CTTN: variants seen among roughly 807,000 people sequenced by gnomAD.
CTTN encodes the protein src substrate cortactin.
Under a neutral mutation model 84.0 loss-of-function variants are expected in CTTN, and 28 were observed. That is an observed-to-expected ratio of 0.33 (90% CI 0.25 to 0.46). The LOEUF (loss-of-function observed/expected upper bound fraction) is 0.46. CTTN is among the 20% of genes least tolerant of loss of function. The pLI is 1.00. For synonymous variants in CTTN, 301 were observed against 288.8 expected (o/e 1.04, Z -0.43); for missense variants, 641 against 723.8 (o/e 0.89, Z 1.31).
At chr11:70,419,097 A>T (rs2058198716) in intron 8 of CTTN, among the ~76,000 whole-genome samples, 1 of 144,740 alleles carries the variant, frequency 6.9e-6, no homozygotes, top group Admixed American at 6.9e-5. Context: ...TAAAAAAAAA[A>T]ACTTTTTTTC....
At position 70,431,265 on chromosome 11, in the gene CTTN, G is replaced by A. The variant is rs750275617; in HGVS notation, c.1251G>A (p.Ser417=). 5.6e-6 allele frequency: 9 copies of A among 1,614,006 alleles called. No individual in the cohort carries two copies. Among genetic ancestry groups the A allele is most frequent in the Admixed American group, 5.0e-5 (3 of 59,996 alleles). ...AGCCAACCGAGGAGAGGCTGCCCTC[G>A]AGCCCCGTCTATGAGGTTGGTGTCT... ...APQPTEERLP[S]SPVYEDAASF... is the part of the protein sequence containing the mutation. Residue 417 remains serine, a synonymous_variant, in exon 15 of 18, where the codon TCG becomes TCA. Coordinates refer to ENST00000301843, the MANE Select transcript of CTTN (RefSeq NM_005231.4).
intron 11 of CTTN, chr11:70,422,690 C>A: frequency 7.0e-7 from 1 of 1,434,092 alleles, no homozygotes; most frequent in South Asian, 1.2e-5. Flanking sequence ...GCCCCTCCTG[C>A]CCCTCCTGCC....
intron 5 of CTTN, among the ~76,000 whole-genome samples, chr11:70,413,711 C>T (rs964488926): frequency 5.9e-5 from 9 of 152,164 alleles, no homozygotes; most frequent in African/African-American, 1.7e-4. Flanking sequence ...GCATGGGAGC[C>T]GGCAGCTGGC....
At chr11:70,407,612 C>T (rs754094226) in intron 4 of CTTN, 21 bp downstream of exon 4, 12 of 1,610,744 alleles carry the variant, frequency 7.4e-6, no homozygotes, top group Non-Finnish European at 1.0e-5. Flanking sequence ...TCGCCACCAC[C>T]CTCCCGAGGG....
intron 14 of CTTN, among the ~76,000 whole-genome samples, chr11:70,430,864 C>T (rs2058346706): frequency 1.3e-5 from 2 of 151,516 alleles, no homozygotes; most frequent in Admixed American, 6.6e-5. Context: ...TGTGTGATCT[C>T]GGCCTCAGAG....
At chr11:70,432,149 GC>G (rs1233573605) in intron 15 of CTTN, among the ~76,000 whole-genome samples, 1 of 152,164 alleles carries the variant, frequency 6.6e-6, no homozygotes, top group African/African-American at 2.4e-5. Flanking sequence ...TGGCTACGCT[GC>G]TGCCTGCTGC....
intron 6 of CTTN, among the ~76,000 whole-genome samples, chr11:70,415,149 G>A (rs146251215): frequency 1.3e-5 from 2 of 152,152 alleles, no homozygotes; most frequent in African/African-American, 2.4e-5. Flanking sequence ...AGGGAGCAGG[G>A]AGCTGATGCT....
chr11:70,420,602 C>T, intron 10 of CTTN, 92 bp downstream of exon 10: 1 of 890,354 alleles, frequency 1.1e-6, no homozygotes, highest in Non-Finnish European at 1.9e-6. Context: ...CTGCGTGTGC[C>T]TGCTGCACAT....
Position 70,433,185 on chromosome 11 carries a change from G to C in CTTN, c.1351G>C (p.Ala451Pro). 6.2e-7 allele frequency: 1 copy of C among 1,613,610 alleles called. No homozygotes were observed. Among genetic ancestry groups the C allele is most frequent in the Non-Finnish European group, 8.5e-7 (1 of 1,179,988 alleles). Residue 451 changes from alanine (A) to proline (P), a missense_variant, in exon 16 of 18, where the codon GCT becomes CCT. By Grantham distance (27) the Ala-to-Pro change is conservative. This residue lies in a region of CTTN where 289 missense variants were observed against 273.1 expected (regional missense o/e 1.06). Coordinates refer to ENST00000301843, the MANE Select transcript of CTTN (RefSeq NM_005231.4). ...GGAGCCCGTGTACAGCATGGAGGCC[G>C]CTGACTACCGAGAGGCCAGCAGCCA... ...EPEPVYSMEA[A>P]DYREASSQQG...
In CTTN at chr11:70,422,663, C is replaced by A. The variant is rs893756870; in HGVS notation, c.902-277C>A. 7 of 1,405,886 alleles carry A rather than the reference C, an allele frequency of 5.0e-6. No homozygotes were observed. The South Asian group carries it at 8.5e-5, about 17-fold the overall frequency. 87.1% of individuals were successfully genotyped at this position (1,405,886 alleles called of 1,614,324 possible). ...CCGTGCCCTCTTTCCTCGCTTAGCT[C>A]CTGCCTGCTGCCCGCCGCCCCTCCT... On this transcript the variant is annotated intron_variant, in intron 11 of 17. Coordinates refer to ENST00000301843, the MANE Select transcript of CTTN (RefSeq NM_005231.4).
intron 2 of CTTN, among the ~76,000 whole-genome samples, chr11:70,405,833 G>A (rs1304520393): frequency 6.6e-6 from 1 of 152,186 alleles, no homozygotes; most frequent in African/African-American, 2.4e-5. Context: ...CGCCAGCCCT[G>A]CAGGGACTCC....
chr11:70,414,699 C>A, intron 6 of CTTN, 47 bp downstream of exon 6: 10 of 1,421,654 alleles, frequency 7.0e-6, no homozygotes, highest in Non-Finnish European at 9.9e-6. Context: ...GCAAGGGGGG[C>A]GTTCCCCGTA....
chr11:70,421,541 G>A lies in CTTN; in HGVS notation c.862G>A (p.Asp288Asn). The A allele has an allele frequency of 3.7e-6, 6 of 1,614,168 alleles. No homozygotes were observed. The highest frequency in any genetic ancestry group is 5.1e-6 in the Non-Finnish European group (6 of 1,180,020). The change falls in exon 11 of 18, where the codon GAT becomes AAT. Residue 288 changes from aspartate to asparagine, a missense_variant. Physicochemically the swap from Asp to Asn is conservative, Grantham distance 23 (BLOSUM62 1). This residue lies in a region of CTTN where 289 missense variants were observed against 273.1 expected (regional missense o/e 1.06). Transcript: ENST00000301843. The stretch of plus-strand genomic sequence containing the variant: ...GCAGGACTCCGCTGCTGTGGGGTTT[G>A]ATTACAAGGAGAAGCTGGCCAAGCA... The part of the protein sequence containing the change: ...ERQDSAAVGF[D>N]YKEKLAKHES...
At chr11:70,407,668 C>T (rs985520074) in intron 4 of CTTN, 77 bp downstream of exon 4, 2 of 1,373,068 alleles carry the variant, frequency 1.5e-6, no homozygotes, top group East Asian at 4.6e-5. Flanking sequence ...CCATGGTCAT[C>T]TGTGGAGGGA....
At chr11:70,406,928 G>A (rs1030658387) in intron 2 of CTTN, among the ~76,000 whole-genome samples, 1 of 152,118 alleles carries the variant, frequency 6.6e-6, no homozygotes. Context: ...ATCCAAAATG[G>A]TGCTTTTATT....
chr11:70,429,302 T>C (rs976891380), intron 14 of CTTN, 103 bp downstream of exon 14: 1 of 1,362,512 alleles, frequency 7.3e-7, no homozygotes, highest in African/African-American at 1.5e-5. Context: ...CCTGGCCAGG[T>C]TTTCCTTGGA....
intron 11 of CTTN, chr11:70,422,596 C>T (rs942423667): frequency 2.5e-5 from 33 of 1,320,292 alleles, no homozygotes; most frequent in African/African-American, 1.5e-4. Flanking sequence ...CGTGCTGGTG[C>T]GGAAGACTGT....
chr11:70,425,229 T>C, intron 12 of CTTN, 103 bp from the exon 13 acceptor site: 1 of 890,948 alleles, frequency 1.1e-6, no homozygotes, highest in Non-Finnish European at 1.8e-6. Context: ...TGGCTGGGCC[T>C]TTGGGAAGAT....
At chr11:70,404,452 C>A (rs182175478) in intron 1 of CTTN, among the ~76,000 whole-genome samples, 1 of 152,112 alleles carries the variant, frequency 6.6e-6, no homozygotes. Context: ...GAATGCAGCC[C>A]GCCTCCTCCT....
Sources: gnomAD v4.1 joint callset for allele counts (sites outside exome capture counted in the v4.1 genomes callset) on GRCh38, gnomAD v4.1.1 for gene constraint, gnomAD v4.1.1 regional missense constraint, MANE v1.5 for transcripts, NCBI Gene and HGNC (gene_info 2026-07-23, HGNC 2026-07-21) for gene names.